HTR2C: variants seen among roughly 807,000 people sequenced by gnomAD.
The protein encoded by HTR2C is 5-hydroxytryptamine receptor 2C, also known as 5-hydroxytryptamine (serotonin) receptor 2C, G protein-coupled.
A neutral mutation model predicts 21.0 loss-of-function variants in HTR2C; 5 were observed. The observed-to-expected ratio is 0.24, with a 90% CI of 0.12 to 0.50. The LOEUF (loss-of-function observed/expected upper bound fraction) is 0.50, where lower values mean the gene tolerates loss of function less well. HTR2C is among the 20% of genes least tolerant of loss of function. The pLI is 0.98. For missense variants in HTR2C, 271 were observed against 371.2 expected, an observed-to-expected ratio of 0.73 and a Z score of 2.22; for synonymous variants, 150 against 145.3, an observed-to-expected ratio of 1.03 and a Z score of -0.23.
chrX:114,903,090 C>T (rs1471552450), intron 5 of HTR2C, among the ~76,000 whole-genome samples: 1 of 111,587 alleles, frequency 9.0e-6, no homozygotes, highest in Non-Finnish European at 1.9e-5. Context: ...GTCTCAGACA[C>T]CCCCCTAGGG....
At chrX:114,760,251 G>T (rs1479211373) in intron 4 of HTR2C, among the ~76,000 whole-genome samples, 3 of 111,474 alleles carry the variant, frequency 2.7e-5, no homozygotes, top group African/African-American at 9.8e-5. Flanking sequence ...GTTTTGAAAT[G>T]GTTGTTCCAC....
intron 4 of HTR2C, among the ~76,000 whole-genome samples, chrX:114,799,397 G>A (rs1398503832): frequency 2.7e-5 from 3 of 109,595 alleles, no homozygotes; most frequent in African/African-American, 9.9e-5. Context: ...ATCATTACTT[G>A]TTTCACCCCT....
At chrX:114,657,864 G>C (rs1466904316) in intron 2 of HTR2C, among the ~76,000 whole-genome samples, 1 of 110,843 alleles carries the variant, frequency 9.0e-6, no homozygotes, top group Non-Finnish European at 1.9e-5. Context: ...TTTTGTTGTT[G>C]TTGTTTTTCT....
At chrX:114,727,567 T>C (rs1200229242) in intron 3 of HTR2C, among the ~76,000 whole-genome samples, 1 of 111,920 alleles carries the variant, frequency 8.9e-6, no homozygotes, top group Non-Finnish European at 1.9e-5. Flanking sequence ...TCTTTTTACA[T>C]AGAAAAATGT....
At chrX:114,889,892 AC>A (rs2071246505) in intron 5 of HTR2C, among the ~76,000 whole-genome samples, 1 of 111,618 alleles carries the variant, frequency 9.0e-6, no homozygotes, top group Non-Finnish European at 1.9e-5. Flanking sequence ...TGGGAAAGGA[AC>A]GGTTCTTAGT....
chrX:114,841,103 A>G (rs1360103140), intron 4 of HTR2C, among the ~76,000 whole-genome samples: 7 of 111,940 alleles, frequency 6.3e-5, no homozygotes, highest in African/African-American at 2.3e-4. Context: ...TTCAACAGCC[A>G]CATTTCACCT....
At chrX:114,730,899 A>G (rs1171069052) in intron 3 of HTR2C, among the ~76,000 whole-genome samples, 5 of 111,658 alleles carry the variant, frequency 4.5e-5, no homozygotes, top group Non-Finnish European at 9.4e-5. Context: ...GGACCTGAGT[A>G]TGGACCCTGG....
chrX:114,816,419 G>A (rs1488712661), intron 4 of HTR2C, among the ~76,000 whole-genome samples: 2 of 108,757 alleles, frequency 1.8e-5, no homozygotes, highest in African/African-American at 6.7e-5. Context: ...AGGAGTAAAC[G>A]AGATAATGTA....
chrX:114,797,182 T>A (rs1556445496), intron 4 of HTR2C, among the ~76,000 whole-genome samples: 1 of 111,718 alleles, frequency 9.0e-6, no homozygotes, highest in Non-Finnish European at 1.9e-5. Flanking sequence ...TTACTTTCAT[T>A]ATCACCTTAT....
At chrX:114,715,619 C>T (rs1370081636) in intron 2 of HTR2C, among the ~76,000 whole-genome samples, 3 of 111,457 alleles carry the variant, frequency 2.7e-5, no homozygotes, top group Non-Finnish European at 5.6e-5. Context: ...CTTAACTCAC[C>T]GGTATAAAAT....
intron 4 of HTR2C, among the ~76,000 whole-genome samples, chrX:114,777,660 C>T (rs782105901): frequency 1.6e-4 from 18 of 111,095 alleles, no homozygotes; most frequent in African/African-American, 5.2e-4. Context: ...TGGGTTCAAG[C>T]GATTCCCCTT....
intron 2 of HTR2C, among the ~76,000 whole-genome samples, chrX:114,640,842 C>T (rs898529431): frequency 9.1e-6 from 1 of 109,800 alleles, no homozygotes; most frequent in African/African-American, 3.3e-5. Context: ...TATTTTATTG[C>T]GCTGTTTCTC....
intron 4 of HTR2C, among the ~76,000 whole-genome samples, chrX:114,838,216 C>T (rs1289281795): frequency 1.8e-5 from 2 of 111,382 alleles, no homozygotes; most frequent in Non-Finnish European, 3.8e-5. Flanking sequence ...TCTCTAGTCT[C>T]CTGTTTTAGT....
chrX:114,810,158 A>G (rs1203364606), intron 4 of HTR2C, among the ~76,000 whole-genome samples: 5 of 111,480 alleles, frequency 4.5e-5, no homozygotes, highest in African/African-American at 1.6e-4. Flanking sequence ...ATTGCAGGAC[A>G]AAGTCCTCAA....
intron 5 of HTR2C, among the ~76,000 whole-genome samples, chrX:114,894,419 T>A (rs151137059): frequency 0.042 from 3,798 of 89,452 alleles, 169 homozygotes; most frequent in African/African-American, 0.15. Context: ...AGATCTTATA[T>A]GATTCCATTT....
At chrX:114,778,221 A>G (rs1397086765) in intron 4 of HTR2C, among the ~76,000 whole-genome samples, 1 of 111,418 alleles carries the variant, frequency 9.0e-6, no homozygotes, top group Non-Finnish European at 1.9e-5. Context: ...TCACATGAAC[A>G]TAAGTTTAAA....
At chrX:114,706,980 G>T (rs1230068904) in intron 2 of HTR2C, among the ~76,000 whole-genome samples, 1 of 110,769 alleles carries the variant, frequency 9.0e-6, no homozygotes, top group Non-Finnish European at 1.9e-5. Flanking sequence ...AGATTGTAAG[G>T]TTTGTCCAGA....
At chrX:114,839,382 A>G (rs1410657105) in intron 4 of HTR2C, among the ~76,000 whole-genome samples, 1 of 112,171 alleles carries the variant, frequency 8.9e-6, no homozygotes, top group Non-Finnish European at 1.9e-5. Flanking sequence ...TAAAACTCCA[A>G]TAAAAAAATC....
intron 5 of HTR2C, among the ~76,000 whole-genome samples, chrX:114,886,346 G>A (rs1569502501): frequency 9.1e-6 from 1 of 110,487 alleles, no homozygotes; most frequent in Non-Finnish European, 1.9e-5. Flanking sequence ...CACATTTAAT[G>A]TTATTGGTGA....
Sources: allele counts gnomAD v4.1 joint callset (sites outside exome capture counted in the v4.1 genomes callset), GRCh38; gene constraint gnomAD v4.1.1; transcripts MANE v1.5; gene names NCBI Gene and HGNC (gene_info 2026-07-23, HGNC 2026-07-21).